Variants in ZNF697 observed in about 807,000 individuals in gnomAD.
The protein encoded by ZNF697 is zinc finger protein 697.
Under a neutral mutation model 32.4 loss-of-function variants are expected in ZNF697, and 23 were observed. That is an observed-to-expected ratio of 0.71 (90% CI 0.51 to 1.01). The LOEUF is 1.01. ZNF697 is among the 50% of genes least tolerant of loss of function. The pLI is 0.00. For missense variants in ZNF697, 930 were observed against 794.0 expected (o/e 1.17, Z -2.06); for synonymous variants, 418 against 337.2 (o/e 1.24, Z -2.62).
rs1164362810 is a variant in ZNF697, at chr1:119,625,912, G to A, written c.189C>T (p.Asp63=). ...CGGGCACTGCTTCCCTGTGCCTTGAGTCCTGTGGGTTGGAGCCCATCTCCG... is the reference window on the plus strand; with the variant it reads ...CGGGCACTGCTTCCCTGTGCCTTGAATCCTGTGGGTTGGAGCCCATCTCCG... ...PEPEMGSNPQ[D]SRHREAVPDI... is the part of the protein sequence containing the mutation. The change falls in exon 2 of 3, where the codon GAC becomes GAT. Residue 63 remains aspartate, a synonymous_variant. Transcript: ENST00000421812. The A allele has an allele frequency of 6.2e-7, 1 of 1,613,848 alleles. No individual in the cohort carries two copies. Among genetic ancestry groups the A allele is most frequent in the Non-Finnish European group, 8.5e-7 (1 of 1,179,880 alleles).
chr1:119,627,836 G>GA (rs1648640821), intron 1 of ZNF697, among the ~76,000 whole-genome samples: 1 of 152,148 alleles, frequency 6.6e-6, no homozygotes, highest in Non-Finnish European at 1.5e-5. Context: ...GACAGTAGGA[G>GA]AAAAATCTCA....
rs1443767492 is a variant in ZNF697 at position 119,622,510 on chromosome 1, G to A, written c.*195C>T. 6.9e-6 allele frequency: 7 copies of A among 1,011,502 alleles called. No homozygotes were observed. Among genetic ancestry groups the A allele is most frequent in the Non-Finnish European group, 6.8e-6 (5 of 731,812 alleles). The allele number at this position is 1,011,502 out of a possible 1,614,324, so 62.7% of individuals were successfully genotyped here. Reference sequence around the variant, plus strand: ...TCCTGAACAATTCTTCCGTGGAGAGGAGGCAAGTATAGCACCGGGAAAGAC... The same window carrying A: ...TCCTGAACAATTCTTCCGTGGAGAGAAGGCAAGTATAGCACCGGGAAAGAC... On this transcript the variant is annotated 3_prime_UTR_variant, in exon 3 of 3. Coordinates refer to ENST00000421812, the MANE Select transcript of ZNF697 (RefSeq NM_001080470.2).
At position 119,621,275 on chromosome 1, in the gene ZNF697, A is replaced by C. The variant is rs967190877; in HGVS notation, c.*1430T>G. On this transcript the variant is annotated 3_prime_UTR_variant, in exon 3 of 3. Transcript: ENST00000421812. Reference sequence around the variant, plus strand: ...TGGAGAATGCAAAAGGTCAGGCTACAATTATTCACACTGTCCTCAGCCTCT... The same window carrying C: ...TGGAGAATGCAAAAGGTCAGGCTACCATTATTCACACTGTCCTCAGCCTCT... 2 of 152,350 alleles carry C rather than the reference A, an allele frequency of 1.3e-5. No homozygotes were observed. Among genetic ancestry groups the C allele is most frequent in the African/African-American group, 4.8e-5 (2 of 41,456 alleles). 9.4% of individuals were successfully genotyped at this position (152,350 alleles called of 1,614,324 possible).
intron 1 of ZNF697, among the ~76,000 whole-genome samples, chr1:119,640,460 G>C (rs587635174): frequency 6.6e-6 from 1 of 152,282 alleles, no homozygotes; most frequent in South Asian, 2.1e-4. Context: ...ACAGGAAATG[G>C]CAATTAGCCT....
chr1:119,628,552 T>C (rs1477992902), intron 1 of ZNF697, among the ~76,000 whole-genome samples: 3 of 152,180 alleles, frequency 2.0e-5, no homozygotes, highest in Non-Finnish European at 4.4e-5. Flanking sequence ...TAGTTCCTGA[T>C]CCTTATTTTC....
rs182254095 is a variant in ZNF697 at position 119,627,855 on chromosome 1, G to A, written c.-37-1718C>T. Among the ~76,000 whole-genome samples, 7 of 152,272 alleles carry A rather than the reference G, an allele frequency of 4.6e-5. No homozygotes were observed. In the East Asian group the frequency reaches 1.2e-3, roughly 25 times the overall value. On this transcript the variant is annotated intron_variant, in intron 1 of 2. Transcript: ENST00000421812. ...GTAGGAGAAAAATCTCATTAAAGCT[G>A]TAAACCTTTTAAGAGGTATACTCCA...
chr1:119,633,550 T>C (rs1045435094), intron 1 of ZNF697, among the ~76,000 whole-genome samples: 1 of 152,242 alleles, frequency 6.6e-6, no homozygotes, highest in African/African-American at 2.4e-5. Context: ...CTGTTTGTTC[T>C]ATTCAGGTTT....
intron 1 of ZNF697, among the ~76,000 whole-genome samples, chr1:119,637,516 T>A (rs1404929118): frequency 6.6e-6 from 1 of 152,240 alleles, no homozygotes; most frequent in Non-Finnish European, 1.5e-5. Flanking sequence ...CCCTTCAGAT[T>A]ACTGGATTCC....
intron 1 of ZNF697, among the ~76,000 whole-genome samples, chr1:119,644,448 A>C (rs1040657722): frequency 6.6e-6 from 1 of 152,210 alleles, no homozygotes; most frequent in Non-Finnish European, 1.5e-5. Flanking sequence ...AAATCTGGGA[A>C]GTGGAGGACT....
intron 1 of ZNF697, among the ~76,000 whole-genome samples, chr1:119,636,598 T>C (rs116335192): frequency 1.3e-5 from 2 of 152,246 alleles, no homozygotes; most frequent in African/African-American, 4.8e-5. Flanking sequence ...GCGAGGGACC[T>C]AGCAAATGGA....
rs587679498 is a variant in ZNF697 at position 119,620,374 on chromosome 1, C to CA, written c.*2330dup. 918 of 148,140 alleles carry CA rather than the reference C, an allele frequency of 6.2e-3. 5 individuals carry two copies. The highest frequency in any genetic ancestry group is 8.6e-3 in the Non-Finnish European group (571 of 66,742). The allele number at this position is 148,140 out of a possible 1,614,324, so 9.2% of individuals were successfully genotyped here. A position where few individuals can be genotyped will look rare whatever the true frequency, so the allele number is the denominator to read the frequency against. On this transcript the variant is annotated 3_prime_UTR_variant, in exon 3 of 3. Coordinates refer to ENST00000421812, the MANE Select transcript of ZNF697 (RefSeq NM_001080470.2). The stretch of plus-strand genomic sequence containing the variant: ...AGGCATAGCAATGGCAGCAAAAAAG[C>CA]AAAAAAAAAGCGGATAATCAATCCA...
chr1:119,628,534 G>A (rs1376199074), intron 1 of ZNF697, among the ~76,000 whole-genome samples: 2 of 152,208 alleles, frequency 1.3e-5, no homozygotes, highest in African/African-American at 4.8e-5. Context: ...TCTGAGCTCC[G>A]AAGGGAGTAG....
Position 119,622,014 on chromosome 1 carries a change from G to C in ZNF697, c.*691C>G, listed in dbSNP as rs1648338291. On this transcript the variant is annotated 3_prime_UTR_variant, in exon 3 of 3. Transcript: ENST00000421812. The stretch of plus-strand genomic sequence containing the variant: ...TTCAAGGAAGTAGCAAAGAACCCGG[G>C]ACAGAATCAGGATTTCCCACATCAG... 3.3e-5 allele frequency: 5 copies of C among 152,620 alleles called. No individual in the cohort carries two copies. The highest frequency in any genetic ancestry group is 7.3e-5 in the Non-Finnish European group (5 of 68,046). The allele number at this position is 152,620 out of a possible 1,614,324, so 9.5% of individuals were successfully genotyped here. A position where few individuals can be genotyped will look rare whatever the true frequency, so the allele number is the denominator to read the frequency against.
At chr1:119,636,042 C>A (rs1648910499) in intron 1 of ZNF697, among the ~76,000 whole-genome samples, 1 of 152,112 alleles carries the variant, frequency 6.6e-6, no homozygotes, top group African/African-American at 2.4e-5. Flanking sequence ...GGAAGTGATG[C>A]ATCTATCTCA....
intron 1 of ZNF697, among the ~76,000 whole-genome samples, chr1:119,632,837 T>G (rs1648815648): frequency 6.6e-6 from 1 of 152,254 alleles, no homozygotes; most frequent in South Asian, 2.1e-4. Context: ...TTACTATCCA[T>G]ATTTTACATT....
At position 119,622,569 on chromosome 1, in the gene ZNF697, C is replaced by T. The variant is rs1274173591; in HGVS notation, c.*136G>A. On this transcript the variant is annotated 3_prime_UTR_variant, in exon 3 of 3. Transcript: ENST00000421812. The stretch of plus-strand genomic sequence containing the variant: ...TCAACACTCCTCCCACTTCAGGAAA[C>T]CCCAAACACCAAAGGCTCCCCAGTC... 1.4e-6 allele frequency: 2 copies of T among 1,411,076 alleles called. No homozygotes were observed. The highest frequency in any genetic ancestry group is 2.9e-5 in the African/African-American group (2 of 69,190). 87.4% of individuals were successfully genotyped at this position (1,411,076 alleles called of 1,614,324 possible). A position where few individuals can be genotyped will look rare whatever the true frequency, so the allele number is the denominator to read the frequency against.
rs191451252 is a variant in ZNF697 at position 119,626,194 on chromosome 1, C to T, written c.-37-57G>A. ...TCAGTCCGGTCTCATCCCCTCACCACGCCCAGCCTTAATTTCCAATTCTAA... is the reference window on the plus strand; with the variant it reads ...TCAGTCCGGTCTCATCCCCTCACCATGCCCAGCCTTAATTTCCAATTCTAA... On this transcript the variant is annotated intron_variant, in intron 1 of 2. Transcript: ENST00000421812. 201 of 1,545,366 alleles carry T rather than the reference C, an allele frequency of 1.3e-4. 2 individuals are homozygous for T. The highest frequency in any genetic ancestry group is 9.7e-4 in the Admixed American group (48 of 49,382).
intron 1 of ZNF697, among the ~76,000 whole-genome samples, chr1:119,626,514 A>C (rs4659222): frequency 0.69 from 104,547 of 152,162 alleles, 37,481 homozygotes; most frequent in African/African-American, 0.9. Flanking sequence ...ACATAAACTT[A>C]TAAGCAGTAG....
chr1:119,629,903 G>C (rs409998), intron 1 of ZNF697, among the ~76,000 whole-genome samples: 1 of 152,206 alleles, frequency 6.6e-6, no homozygotes, highest in African/African-American at 2.4e-5. Flanking sequence ...GGTAGAGGGA[G>C]AAAGGTTTAA....
Sources: gnomAD v4.1 joint callset for allele counts (sites outside exome capture counted in the v4.1 genomes callset) on GRCh38, gnomAD v4.1.1 for gene constraint, MANE v1.5 for transcripts, NCBI Gene and HGNC (gene_info 2026-07-23, HGNC 2026-07-21) for gene names.